The following HECW1 variants were observed in gnomAD, a reference collection of about 807,000 sequenced individuals.
HECW1 encodes the protein E3 ubiquitin-protein ligase HECW1.
HECW1 carries 61 observed loss-of-function variants against 182.3 expected under a neutral mutation model. The ratio of observed to expected loss-of-function variants is 0.33; its 90% CI spans 0.27 to 0.41. The LOEUF is 0.41. HECW1 is among the 10% of genes least tolerant of loss of function. HECW1 has a pLI of 1.00. For missense variants in HECW1, 1,739 were observed against 2,108.9 expected (o/e 0.82, Z 3.44); for synonymous variants, 859 against 832.6 (o/e 1.03, Z -0.55).
intron 3 of HECW1, among the ~76,000 whole-genome samples, chr7:43,264,763 G>C (rs1801582444): frequency 6.7e-6 from 1 of 149,758 alleles, no homozygotes; most frequent in East Asian, 2.0e-4. Flanking sequence ...AGAATGGCGT[G>C]AACCCAGGAG....
chr7:43,528,191 G>A (rs138177590), intron 24 of HECW1, among the ~76,000 whole-genome samples: 30 of 152,128 alleles, frequency 2.0e-4, no homozygotes, highest in African/African-American at 5.8e-4. Context: ...CCATGATATC[G>A]CAAAACAAAA....
At chr7:43,150,701 C>T (rs1182894804) in intron 2 of HECW1, among the ~76,000 whole-genome samples, 1 of 152,156 alleles carries the variant, frequency 6.6e-6, no homozygotes. Context: ...TTAAAGATGG[C>T]GTCACAATGG....
chr7:43,296,350 C>T lies in HECW1; in HGVS notation c.28-15413C>T, dbSNP rs553604429. On this transcript the variant is annotated intron_variant, in intron 3 of 29. Transcript: ENST00000395891. ...ATGGACTGGTTTTCCTCAAAAGTCCCGACTCTGGACTTCTCTCAGGCCTTT... is the reference window on the plus strand; with the variant it reads ...ATGGACTGGTTTTCCTCAAAAGTCCTGACTCTGGACTTCTCTCAGGCCTTT... 3.5e-4 allele frequency among the ~76,000 whole-genome samples: 53 copies of T among 152,214 alleles called. No homozygotes were observed. The South Asian group carries it at 8.1e-3, about 23-fold the overall frequency.
chr7:43,481,005 T>A (rs1050129288), intron 17 of HECW1, among the ~76,000 whole-genome samples: 2 of 152,224 alleles, frequency 1.3e-5, no homozygotes, highest in African/African-American at 4.8e-5. Context: ...GAATGTTTTT[T>A]CATGGAGTCG....
At chr7:43,139,266 G>T (rs1196740486) in intron 2 of HECW1, among the ~76,000 whole-genome samples, 2 of 152,216 alleles carry the variant, frequency 1.3e-5, no homozygotes, top group East Asian at 3.8e-4. Context: ...AGTGTTTAAT[G>T]GGGAGCACCA....
chr7:43,222,485 A>G (rs1797068323), intron 2 of HECW1, among the ~76,000 whole-genome samples: 1 of 152,166 alleles, frequency 6.6e-6, no homozygotes, highest in Non-Finnish European at 1.5e-5. Context: ...GTTGACTCTG[A>G]AGAGGATTGA....
intron 6 of HECW1, among the ~76,000 whole-genome samples, chr7:43,363,093 C>T (rs141859783): frequency 1.4e-3 from 206 of 152,358 alleles, no homozygotes; most frequent in Middle Eastern, 3.4e-3. Flanking sequence ...AGATGTTCAC[C>T]TGCTGCTCAG....
At chr7:43,382,272 C>A (rs1322880472) in intron 6 of HECW1, among the ~76,000 whole-genome samples, 2 of 150,078 alleles carry the variant, frequency 1.3e-5, no homozygotes, top group Non-Finnish European at 3.0e-5. Context: ...GGCGACAGAG[C>A]GAGACTCCGT....
At chr7:43,150,858 G>T (rs904837096) in intron 2 of HECW1, 1 of 154,740 alleles carries the variant, frequency 6.5e-6, no homozygotes, top group Non-Finnish European at 1.5e-5. Context: ...CAGGGAGCGG[G>T]TGATGAAGGA....
chr7:43,210,130 G>A (rs1415583304), intron 2 of HECW1, among the ~76,000 whole-genome samples: 2 of 152,078 alleles, frequency 1.3e-5, no homozygotes, highest in African/African-American at 2.4e-5. Flanking sequence ...GTGAGTGCAG[G>A]GCCTTCCTTC....
intron 3 of HECW1, among the ~76,000 whole-genome samples, chr7:43,299,613 T>A (rs1158060537): frequency 2.6e-5 from 4 of 152,206 alleles, no homozygotes; most frequent in Non-Finnish European, 5.9e-5. Flanking sequence ...AGATTAGCTG[T>A]GTGGAAAATG....
chr7:43,302,679 C>T (rs1225833730), intron 3 of HECW1, among the ~76,000 whole-genome samples: 1 of 152,192 alleles, frequency 6.6e-6, no homozygotes, highest in African/African-American at 2.4e-5. Context: ...GTATGGTCCG[C>T]AGGGCTCCTG....
chr7:43,340,551 G>T lies in HECW1; in HGVS notation c.460+19809G>T, dbSNP rs147270629. Reference sequence around the variant, plus strand: ...TTACCTTTGAACTGTGCAAGCAATAGCCCCAGGGATCAAAAACTCTGTCTG... The same window carrying T: ...TTACCTTTGAACTGTGCAAGCAATATCCCCAGGGATCAAAAACTCTGTCTG... On this transcript the variant is annotated intron_variant, in intron 5 of 29. Transcript: ENST00000395891. Among the ~76,000 whole-genome samples, 346 of 151,514 alleles carry T rather than the reference G, an allele frequency of 2.3e-3. 13 individuals carry two copies. In the South Asian group the frequency reaches 0.047, roughly 21 times the overall value.
At chr7:43,184,045 G>A (rs1347425893) in intron 2 of HECW1, among the ~76,000 whole-genome samples, 1 of 150,864 alleles carries the variant, frequency 6.6e-6, no homozygotes. Flanking sequence ...ACAAAGTCTC[G>A]CTCTGTTGCC....
At chr7:43,454,319 A>G (rs546343445) in intron 12 of HECW1, among the ~76,000 whole-genome samples, 76 of 152,262 alleles carry the variant, frequency 5.0e-4, no homozygotes, top group Non-Finnish European at 7.4e-4. Flanking sequence ...ACTAATGCTC[A>G]TTTTTTGTTG....
At chr7:43,389,302 G>A (rs186946234) in intron 6 of HECW1, among the ~76,000 whole-genome samples, 18 of 152,284 alleles carry the variant, frequency 1.2e-4, no homozygotes, top group Non-Finnish European at 1.6e-4. Flanking sequence ...TGCTGGAGCC[G>A]TCCCCAGACT....
chr7:43,281,174 C>T (rs569673673), intron 3 of HECW1, among the ~76,000 whole-genome samples: 1 of 152,276 alleles, frequency 6.6e-6, no homozygotes, highest in East Asian at 1.9e-4. Flanking sequence ...GCTGAGAGTC[C>T]CTTCAGCAGC....
chr7:43,358,719 G>A (rs1026194623), intron 5 of HECW1, among the ~76,000 whole-genome samples: 8 of 151,804 alleles, frequency 5.3e-5, no homozygotes, highest in Admixed American at 3.3e-4. Flanking sequence ...GCTAACAAGC[G>A]TTCTATGAGA....
At chr7:43,550,953 A>G (rs2081799180) in intron 27 of HECW1, among the ~76,000 whole-genome samples, 1 of 152,210 alleles carries the variant, frequency 6.6e-6, no homozygotes, top group Admixed American at 6.5e-5. Flanking sequence ...AAGTGAAGAC[A>G]TTGGGGGGTA....
Sources: allele counts gnomAD v4.1 joint callset (sites outside exome capture counted in the v4.1 genomes callset), GRCh38; gene constraint gnomAD v4.1.1; transcripts MANE v1.5; gene names NCBI Gene and HGNC (gene_info 2026-07-23, HGNC 2026-07-21).